ARPC3: variants seen among roughly 807,000 people sequenced by gnomAD.
ARPC3 encodes the protein actin related protein 2/3 complex subunit 3, also known as actin-related protein 2/3 complex subunit 3.
A neutral mutation model predicts 27.6 loss-of-function variants in ARPC3; 12 were observed. That is an observed-to-expected ratio of 0.43 (90% CI 0.28 to 0.70). The LOEUF is 0.70. Among genes scored for constraint, ARPC3 ranks in the 30% least tolerant of loss-of-function variants. ARPC3 has a pLI of 0.17. For missense variants in ARPC3, 153 were observed against 207.7 expected, an observed-to-expected ratio of 0.74 and a Z score of 1.62; for synonymous variants, 53 against 67.2, an observed-to-expected ratio of 0.79 and a Z score of 1.03.
At chr12:110,437,269 C>T in intron 3 of ARPC3, 117 bp from the exon 4 acceptor site, 5 of 746,644 alleles carry the variant, frequency 6.7e-6, no homozygotes, top group Non-Finnish European at 1.2e-5. Flanking sequence ...AGGACAGCCA[C>T]TATCACATCA....
chr12:110,438,493 G>A (rs556987011), intron 3 of ARPC3, among the ~76,000 whole-genome samples: 2 of 150,746 alleles, frequency 1.3e-5, no homozygotes, highest in African/African-American at 4.9e-5. Flanking sequence ...CAGCTACTTG[G>A]GAGGCTGAGG....
At chr12:110,438,086 A>G (rs1366377113) in intron 3 of ARPC3, among the ~76,000 whole-genome samples, 1 of 151,602 alleles carries the variant, frequency 6.6e-6, no homozygotes, top group East Asian at 2.0e-4. Context: ...GCTTGAGCCC[A>G]GGAGTTTGAG....
intron 1 of ARPC3, 43 bp downstream of exon 1, chr12:110,450,212 C>T: frequency 6.2e-7 from 1 of 1,613,262 alleles, no homozygotes; most frequent in Non-Finnish European, 8.5e-7. Flanking sequence ...CTCTGCTCTT[C>T]GCAATCCCCG....
At chr12:110,445,391 C>T (rs1276021460) in intron 2 of ARPC3, 61 bp downstream of exon 2, 1 of 1,291,468 alleles carries the variant, frequency 7.7e-7, no homozygotes, top group Admixed American at 1.7e-5. Flanking sequence ...CTGATTTGAT[C>T]ATTTCAGAAG....
At chr12:110,437,680 T>C (rs1490194299) in intron 3 of ARPC3, among the ~76,000 whole-genome samples, 5 of 152,010 alleles carry the variant, frequency 3.3e-5, no homozygotes, top group African/African-American at 1.2e-4. Flanking sequence ...GTGGCTGCTC[T>C]CTCTTGTTTT....
intron 2 of ARPC3, among the ~76,000 whole-genome samples, chr12:110,444,211 T>C (rs532099102): frequency 1.3e-5 from 2 of 152,090 alleles, no homozygotes; most frequent in Non-Finnish European, 2.9e-5. Flanking sequence ...ACTCAGGTGA[T>C]CCACCCACCT....
In ARPC3 at chr12:110,449,958, T is replaced by G. The variant is rs183176160; in HGVS notation, c.6+297A>C. ...TAAAAAGCGCAGCCCTTGGCTTCGC[T>G]CTCTAGTGAGGCTTTGGGAACCCTG... On this transcript the variant is annotated intron_variant, in intron 1 of 6. Transcript: ENST00000228825. Among the ~76,000 whole-genome samples the G allele has an allele frequency of 6.8e-3, 1,040 of 152,162 alleles. 1 individual carries two copies. The highest frequency in any genetic ancestry group is 9.4e-3 in the Non-Finnish European group (638 of 67,980).
chr12:110,438,585 G>A (rs552884751), intron 3 of ARPC3, among the ~76,000 whole-genome samples: 10 of 150,638 alleles, frequency 6.6e-5, no homozygotes, highest in Non-Finnish European at 1.2e-4. Flanking sequence ...GTGACAGAGC[G>A]GGACTCTGTC....
At position 110,445,755 on chromosome 12, in the gene ARPC3, C is replaced by A. The variant is rs561983808; in HGVS notation, c.7-204G>T. On this transcript the variant is annotated intron_variant, in intron 1 of 6. Coordinates refer to ENST00000228825, the MANE Select transcript of ARPC3 (RefSeq NM_001278556.2). Reference sequence around the variant, plus strand: ...GTTAAATTTTGAGGCATTTTTCAAGCTGGTTGTTAAACACAGCTCTTCTCA... The same window carrying A: ...GTTAAATTTTGAGGCATTTTTCAAGATGGTTGTTAAACACAGCTCTTCTCA... 2.6e-5 allele frequency among the ~76,000 whole-genome samples: 4 copies of A among 152,300 alleles called. No individual in the cohort carries two copies. In the South Asian group the frequency reaches 8.3e-4, roughly 32 times the overall value.
At chr12:110,440,471 C>T in intron 2 of ARPC3, 83 bp from the exon 3 acceptor site, 1 of 884,066 alleles carries the variant, frequency 1.1e-6, no homozygotes, top group South Asian at 1.3e-5. Context: ...AAAGGGAAAA[C>T]ACATACAACT....
At position 110,437,139 on chromosome 12, in the gene ARPC3, C is replaced by T; in HGVS notation, c.197G>A (p.Arg66Lys). ...KNYEIKNEAD[R>K]TLIYITLYIS... ...GTAGAGAGTTATATATATCAAGGTC[C>T]TATCAGCTTCATTCTACAGGGAGAA... The change falls in exon 4 of 7, where the codon AGG becomes AAG. Residue 66 changes from arginine to lysine, a missense_variant. Transcript: ENST00000228825. The T allele has an allele frequency of 6.3e-7, 1 of 1,595,748 alleles. No individual in the cohort carries two copies. Among genetic ancestry groups the T allele is most frequent in the Non-Finnish European group, 8.6e-7 (1 of 1,164,576 alleles).
rs2062402597 is a variant in ARPC3 at position 110,436,133 on chromosome 12, G to C, written c.451C>G (p.Pro151Ala). The change falls in exon 6 of 7, where the codon CCT becomes GCT. Residue 151 changes from proline to alanine, a missense_variant. Physicochemically the swap from Pro to Ala is conservative, Grantham distance 27. Coordinates refer to ENST00000228825, the MANE Select transcript of ARPC3 (RefSeq NM_001278556.2). ...GLRLCEKVFD[P>A]QNDKPSKWWT... ...ACCTTGCTGGGTTTATCATTCTGAG[G>C]GTCGAAAACTTTCTCACAAAGTCTC... 6.2e-7 allele frequency: 1 copy of C among 1,613,282 alleles called. No individual in the cohort carries two copies. The highest frequency in any genetic ancestry group is 1.3e-5 in the African/African-American group (1 of 75,020).
intron 1 of ARPC3, among the ~76,000 whole-genome samples, chr12:110,448,790 G>GGGGT (rs1555296508): frequency 2.2e-5 from 2 of 92,992 alleles, no homozygotes; most frequent in Non-Finnish European, 4.6e-5. Context: ...GGGGGGGGGG[G>GGGGT]GGTGGTGGTA....
chr12:110,436,973 G>A, intron 4 of ARPC3, 111 bp downstream of exon 4: 2 of 843,422 alleles, frequency 2.4e-6, no homozygotes, highest in Non-Finnish European at 4.0e-6. Context: ...GTAAGTCAGA[G>A]GAAATATTTT....
chr12:110,450,195 G>A lies in ARPC3; in HGVS notation c.6+60C>T, dbSNP rs1003478648. On this transcript the variant is annotated intron_variant, in intron 1 of 6. Transcript: ENST00000228825. ...CGCCCGCTTCTCTCGGCACACACAC[G>A]GTTTCTCTCTGCTCTTCGCAATCCC... 3.1e-6 allele frequency: 5 copies of A among 1,610,582 alleles called. No individual in the cohort carries two copies. In the South Asian group the frequency reaches 3.3e-5, roughly 11 times the overall value.
At chr12:110,443,794 A>G (rs182901393) in intron 2 of ARPC3, among the ~76,000 whole-genome samples, 24 of 152,288 alleles carry the variant, frequency 1.6e-4, no homozygotes, top group African/African-American at 5.5e-4. Context: ...TGTTTCCAAA[A>G]ACCAGCTAGT....
chr12:110,441,010 A>G (rs1050543312), intron 2 of ARPC3, among the ~76,000 whole-genome samples: 3 of 138,626 alleles, frequency 2.2e-5, no homozygotes, highest in African/African-American at 8.2e-5. Flanking sequence ...GCTCAGCTAT[A>G]TTTTTTGTAT....
intron 2 of ARPC3, among the ~76,000 whole-genome samples, chr12:110,443,431 T>A (rs758089930): frequency 6.9e-6 from 1 of 145,116 alleles, no homozygotes; most frequent in Non-Finnish European, 1.5e-5. Context: ...ACGCCCTATT[T>A]TTTATTTATT....
chr12:110,448,492 C>T (rs1406626740), intron 1 of ARPC3, among the ~76,000 whole-genome samples: 2 of 151,832 alleles, frequency 1.3e-5, no homozygotes, highest in African/African-American at 4.8e-5. Context: ...GCCTGGACAA[C>T]ATGGTGAGAC....
Sources: allele counts gnomAD v4.1 joint callset (sites outside exome capture counted in the v4.1 genomes callset), GRCh38; gene constraint gnomAD v4.1.1; transcripts MANE v1.5; gene names NCBI Gene and HGNC (gene_info 2026-07-23, HGNC 2026-07-21).